The following RBFOX1 variants were observed in gnomAD, a reference collection of about 807,000 sequenced individuals.
RBFOX1 encodes the protein RNA binding fox-1 homolog 1, also known as RNA binding protein fox-1 homolog 1.
In RBFOX1, 8 loss-of-function variants were observed where a neutral mutation model predicts 57.7. The observed-to-expected ratio is 0.14, with a 90% CI of 0.08 to 0.25. RBFOX1 has a LOEUF of 0.25. Among genes scored for constraint, RBFOX1 ranks in the 10% least tolerant of loss-of-function variants. The pLI, the probability that RBFOX1 is intolerant of heterozygous loss-of-function variation, is 1.00. For missense variants in RBFOX1, 611 were observed against 548.5 expected (o/e 1.11, Z -1.14); for synonymous variants, 326 against 222.4 (o/e 1.47, Z -4.15).
intron 4 of RBFOX1, among the ~76,000 whole-genome samples, chr16:7,103,819 A>C (rs1444901552): frequency 6.6e-6 from 1 of 152,194 alleles, no homozygotes; most frequent in Non-Finnish European, 1.5e-5. Context: ...CGTGACTTCA[A>C]GTGCCTTTAA....
chr16:7,631,803 C>G (rs978156842), intron 11 of RBFOX1, among the ~76,000 whole-genome samples: 1 of 152,194 alleles, frequency 6.6e-6, no homozygotes, highest in Non-Finnish European at 1.5e-5. Flanking sequence ...AACCTCCTCA[C>G]TGTTGGGGCA....
chr16:6,871,911 C>CTGTGTGTG (rs57684251), intron 3 of RBFOX1, among the ~76,000 whole-genome samples: 1,307 of 129,632 alleles, frequency 0.01, 20 homozygotes, highest in East Asian at 0.022. Context: ...GGGAGAGAGT[C>CTGTGTGTG]TGTGTGTGTG....
intron 4 of RBFOX1, among the ~76,000 whole-genome samples, chr16:5,912,263 A>T (rs1597758371): frequency 1.3e-5 from 2 of 152,312 alleles, no homozygotes; most frequent in Admixed American, 1.3e-4. Flanking sequence ...CAAATGAGGC[A>T]AGACCTGTCA....
intron 4 of RBFOX1, among the ~76,000 whole-genome samples, chr16:7,366,588 T>G (rs149034627): frequency 1.1e-4 from 17 of 152,254 alleles, no homozygotes; most frequent in African/African-American, 2.2e-4. Flanking sequence ...CTAGTTGATA[T>G]ATTTGTTGGA....
chr16:5,937,216 C>T (rs1345553118), intron 4 of RBFOX1, among the ~76,000 whole-genome samples: 1 of 152,144 alleles, frequency 6.6e-6, no homozygotes, highest in Non-Finnish European at 1.5e-5. Flanking sequence ...ATGGAAAGAA[C>T]ACGAGAGATT....
At chr16:7,154,646 C>A (rs973709882) in intron 4 of RBFOX1, among the ~76,000 whole-genome samples, 1 of 150,766 alleles carries the variant, frequency 6.6e-6, no homozygotes, top group Admixed American at 6.6e-5. Flanking sequence ...ATTGGAGAGG[C>A]ATAAAACTTA....
chr16:7,290,309 A>T (rs147893334), intron 4 of RBFOX1, among the ~76,000 whole-genome samples: 228 of 152,324 alleles, frequency 1.5e-3, no homozygotes, highest in African/African-American at 5.3e-3. Context: ...TTATAATCCA[A>T]TTCATTTCAG....
At chr16:7,221,244 A>C (rs1276197577) in intron 4 of RBFOX1, among the ~76,000 whole-genome samples, 2 of 152,210 alleles carry the variant, frequency 1.3e-5, no homozygotes, top group Admixed American at 1.3e-4. Flanking sequence ...GTGTTAGAAT[A>C]AGGGCTTCAT....
chr16:6,852,004 C>A (rs1387602156), intron 3 of RBFOX1, among the ~76,000 whole-genome samples: 1 of 151,258 alleles, frequency 6.6e-6, no homozygotes, highest in Non-Finnish European at 1.5e-5. Context: ...CGGCTCACTG[C>A]AAGCTCCATC....
chr16:6,302,251 C>T (rs893413592), intron 1 of RBFOX1, among the ~76,000 whole-genome samples: 2 of 151,844 alleles, frequency 1.3e-5, no homozygotes, highest in Non-Finnish European at 2.9e-5. Flanking sequence ...CTTTCATGAT[C>T]TCACTCCAGT....
intron 2 of RBFOX1, among the ~76,000 whole-genome samples, chr16:6,407,257 G>A (rs1026728744): frequency 4.6e-5 from 7 of 151,652 alleles, no homozygotes; most frequent in African/African-American, 1.7e-4. Context: ...CTATATATAT[G>A]CTATGGATTT....
intron 3 of RBFOX1, among the ~76,000 whole-genome samples, chr16:5,768,490 A>G (rs1192549997): frequency 6.6e-6 from 1 of 152,212 alleles, no homozygotes; most frequent in Non-Finnish European, 1.5e-5. Context: ...CGTGGCAGAC[A>G]GGGAATAGCT....
At chr16:6,230,051 C>T (rs953557688) in intron 1 of RBFOX1, among the ~76,000 whole-genome samples, 1 of 152,008 alleles carries the variant, frequency 6.6e-6, no homozygotes, top group Non-Finnish European at 1.5e-5. Context: ...ACTACACTTA[C>T]ATGATGGAAA....
chr16:7,392,679 G>C (rs190766407), intron 4 of RBFOX1, among the ~76,000 whole-genome samples: 167 of 152,294 alleles, frequency 1.1e-3, no homozygotes, highest in African/African-American at 3.7e-3. Context: ...AGTCATAGTA[G>C]CATAAGCACA....
intron 4 of RBFOX1, among the ~76,000 whole-genome samples, chr16:7,431,534 C>A (rs1315755231): frequency 6.6e-6 from 1 of 152,202 alleles, no homozygotes; most frequent in Non-Finnish European, 1.5e-5. Flanking sequence ...GCCACCGCGC[C>A]ACTGTGCCCG....
chr16:7,333,919 G>A (rs1211733788), intron 4 of RBFOX1, among the ~76,000 whole-genome samples: 1 of 152,100 alleles, frequency 6.6e-6, no homozygotes, highest in African/African-American at 2.4e-5. Context: ...GTTATAATTA[G>A]TTTTTTGAGT....
intron 3 of RBFOX1, among the ~76,000 whole-genome samples, chr16:5,763,715 C>T (rs76283845): frequency 0.015 from 2,279 of 152,286 alleles, 70 homozygotes; most frequent in African/African-American, 0.052. Context: ...ATCAGCAGGT[C>T]GAGGTTCAAC....
chr16:6,526,849 A>AC (rs1676009616), intron 2 of RBFOX1, among the ~76,000 whole-genome samples: 1 of 146,724 alleles, frequency 6.8e-6, no homozygotes, highest in Non-Finnish European at 1.5e-5. Flanking sequence ...AAAAAAAAAA[A>AC]AAAAAAAAAA....
At chr16:6,617,504 G>C (rs2098161053) in intron 2 of RBFOX1, among the ~76,000 whole-genome samples, 1 of 151,878 alleles carries the variant, frequency 6.6e-6, no homozygotes, top group South Asian at 2.1e-4. Context: ...TTTCCTAGCA[G>C]AAGTTTCACT....
Sources: gnomAD v4.1 joint callset for allele counts (sites outside exome capture counted in the v4.1 genomes callset) on GRCh38, gnomAD v4.1.1 for gene constraint, MANE v1.5 for transcripts, NCBI Gene and HGNC (gene_info 2026-07-23, HGNC 2026-07-21) for gene names.